Variants in MSH6 observed in about 807,000 individuals in gnomAD.
MSH6 encodes DNA mismatch repair protein Msh6.
In MSH6, 85 loss-of-function variants were observed where a neutral mutation model predicts 119.1. The ratio of observed to expected loss-of-function variants is 0.71; its 90% CI spans 0.60 to 0.85. The LOEUF is 0.85. Among genes scored for constraint, MSH6 ranks in the 40% least tolerant of loss-of-function variants. The pLI is 0.00. For synonymous variants in MSH6, 830 were observed against 586.9 expected, an observed-to-expected ratio of 1.41 and a Z score of -5.99; for missense variants, 2,163 against 1,655.3, an observed-to-expected ratio of 1.31 and a Z score of -5.32.
intron 4 of MSH6, among the ~76,000 whole-genome samples, chr2:47,801,931 A>T (rs530892319): frequency 6.6e-6 from 1 of 152,282 alleles, no homozygotes; most frequent in African/African-American, 2.4e-5. Flanking sequence ...GGCATGAGCC[A>T]CCGCTCCCGG....
At chr2:47,785,884 C>G (rs563212993) in intron 1 of MSH6, among the ~76,000 whole-genome samples, 1 of 152,268 alleles carries the variant, frequency 6.6e-6, no homozygotes, top group Non-Finnish European at 1.5e-5. Flanking sequence ...AAAAATAAAA[C>G]GTATACATTT....
At chr2:47,809,285 T>G (rs955345212), downstream of MSH6, 1 of 1,436,122 alleles carries the variant, frequency 7.0e-7, no homozygotes. Flanking sequence ...AAAGAAAGAA[T>G]AAGTAAAAAT....
intron 7 of MSH6, 29 bp downstream of exon 7, chr2:47,805,736 CTA>C (rs1669981366): frequency 4.6e-4 from 67 of 145,868 alleles, no homozygotes; most frequent in Non-Finnish European, 6.1e-4. Context: ...CATTTGAAGA[CTA>C]TCTATCTTAA....
In MSH6 at chr2:47,799,037, G is replaced by A. The variant is rs730881787; in HGVS notation, c.1054G>A (p.Val352Ile). The A allele has an allele frequency of 9.3e-5, 150 of 1,614,044 alleles. 1 individual carries two copies. The highest frequency in any genetic ancestry group is 2.9e-4 in the South Asian group (26 of 91,092). The stretch of plus-strand genomic sequence containing the variant: ...TCAAAATTCTGAATCCCAAGCCCAC[G>A]TTAGTGGAGGTGGTGATGACAGTAG... ...APQNSESQAHVSGGGDDSSRP... is the reference protein window; with the variant it reads ...APQNSESQAHISGGGDDSSRP... The change falls in exon 4 of 10, where the codon GTT becomes ATT. Residue 352 changes from valine to isoleucine, a missense_variant. Coordinates refer to ENST00000234420, the MANE Select transcript of MSH6 (RefSeq NM_000179.3).
At chr2:47,805,294 C>G (rs758534596) in intron 6 of MSH6, among the ~76,000 whole-genome samples, 2 of 152,052 alleles carry the variant, frequency 1.3e-5, no homozygotes, top group African/African-American at 4.8e-5. Flanking sequence ...ATTCTCCTGC[C>G]TCAGCCTCTC....
rs1042816 is a variant in MSH6 at position 47,800,683 on chromosome 2, T to C, written c.2700T>C (p.Gly900=). The change falls in exon 4 of 10, where the codon GGT becomes GGC. Residue 900 remains glycine, a synonymous_variant. Coordinates refer to ENST00000234420, the MANE Select transcript of MSH6 (RefSeq NM_000179.3). ...VISLQTKNPE[G]RFPDLTVELN... ...CTCTGCAGACAAAAAATCCTGAAGG[T>C]CGTTTTCCTGATTTGACTGTAGAAT... 1 of 1,614,130 alleles carries C rather than the reference T, an allele frequency of 6.2e-7. No individual in the cohort carries two copies.
In MSH6 at chr2:47,787,238, A is replaced by G. The variant is rs562168907; in HGVS notation, c.261-3689A>G. ...CAGGAGGTTGAGGCTGCAGTAAGCC[A>G]AGAGATCATGCCATGCACTCCAGCC... On this transcript the variant is annotated intron_variant, in intron 1 of 9. Transcript: ENST00000234420. Among the ~76,000 whole-genome samples the G allele has an allele frequency of 7.2e-5, 11 of 152,298 alleles. No individual in the cohort carries two copies. In the East Asian group the frequency reaches 2.1e-3, roughly 29 times the overall value.
At chr2:47,784,001 G>A in intron 1 of MSH6, 1 of 1,029,416 alleles carries the variant, frequency 9.7e-7, no homozygotes, top group Non-Finnish European at 1.2e-6. Flanking sequence ...GGCCGGCGCG[G>A]AGATAGTGAG....
intron 2 of MSH6, among the ~76,000 whole-genome samples, chr2:47,793,593 T>G (rs1312708142): frequency 6.6e-6 from 1 of 150,498 alleles, no homozygotes; most frequent in East Asian, 2.0e-4. Context: ...GGGAACGGAG[T>G]GAGACTTCAT....
intron 1 of MSH6, chr2:47,789,314 A>G (rs1295042854): frequency 2.6e-6 from 1 of 384,862 alleles, no homozygotes; most frequent in Non-Finnish European, 5.2e-6. Flanking sequence ...TGAAAAACAA[A>G]ATTTTTTGTT....
rs1553413481 is a variant in MSH6 at position 47,800,095 on chromosome 2, T to C, written c.2112T>C (p.Ala704=). Residue 704 remains alanine, a synonymous_variant, in exon 4 of 10, where the codon GCT becomes GCC. Transcript: ENST00000234420. The part of the protein sequence containing the change: ...CLIDQELLSM[A]NFEEYIPLDS... ...TTGATCAGGAGCTTTTATCAATGGC[T>C]AATTTTGAAGAATATATTCCCTTGG... 2 of 1,614,182 alleles carry C rather than the reference T, an allele frequency of 1.2e-6. No homozygotes were observed. The highest frequency in any genetic ancestry group is 4.5e-5 in the East Asian group (2 of 44,878).
intron 9 of MSH6, 33 bp downstream of exon 9, chr2:47,806,684 A>ACTGACC: frequency 6.3e-7 from 1 of 1,589,660 alleles, no homozygotes; most frequent in Non-Finnish European, 8.6e-7. Flanking sequence ...ATTATAACTA[A>ACTGACC]CTGACCTTAA....
rs63750664 is a variant in MSH6 at position 47,783,292 on chromosome 2, C to A, written c.59C>A (p.Ala20Asp). The A allele has an allele frequency of 6.2e-7, 1 of 1,612,156 alleles. No individual in the cohort carries two copies. Among genetic ancestry groups the A allele is most frequent in the East Asian group, 2.2e-5 (1 of 44,810 alleles). The change falls in exon 1 of 10, where the codon GCC becomes GAC. Residue 20 changes from alanine (A) to aspartate (D), a missense_variant. Physicochemically the swap from Ala to Asp is moderately radical, Grantham distance 126. Coordinates refer to ENST00000234420, the MANE Select transcript of MSH6 (RefSeq NM_000179.3). ...CCCAAGTCTCCGGCGCTGAGTGATGCCAACAAGGCCTCGGCCAGGGCCTCA... is the reference window on the plus strand; with the variant it reads ...CCCAAGTCTCCGGCGCTGAGTGATGACAACAAGGCCTCGGCCAGGGCCTCA... ...FFPKSPALSD[A>D]NKASARASRE... is the part of the protein sequence containing the mutation.
chr2:47,795,676 G>T (rs55781315), intron 2 of MSH6, among the ~76,000 whole-genome samples: 1 of 151,584 alleles, frequency 6.6e-6, no homozygotes. Flanking sequence ...TCACCACATT[G>T]CCCAGGCTGG....
At chr2:47,809,688 G>C (rs757286262), downstream of MSH6, 15 of 1,612,884 alleles carry the variant, frequency 9.3e-6, no homozygotes, top group Non-Finnish European at 1.3e-5. Flanking sequence ...TTGCAGTTGC[G>C]TGATTTGTAA....
chr2:47,799,846 G>C lies in MSH6; in HGVS notation c.1863G>C (p.Leu621=), dbSNP rs1350237862. The C allele has an allele frequency of 6.2e-7, 1 of 1,614,176 alleles. No homozygotes were observed. The highest frequency in any genetic ancestry group is 8.5e-7 in the Non-Finnish European group (1 of 1,180,028). Residue 621 remains leucine, a synonymous_variant, in exon 4 of 10, where the codon CTG becomes CTC. Transcript: ENST00000234420. ...TGTCCTGTTCTCTTCAGGAAGGTCT[G>C]ATACCCGGCTCCCAGTTTTGGGATG... ...SSLSCSLQEG[L]IPGSQFWDAS...
chr2:47,807,530 A>G (rs1275973885), downstream of MSH6: 2 of 211,658 alleles, frequency 9.4e-6, no homozygotes, highest in Non-Finnish European at 1.9e-5. Context: ...ATACTGGGAC[A>G]TGAGTACAGT....
chr2:47,791,992 G>A (rs1183487603), intron 2 of MSH6, among the ~76,000 whole-genome samples: 1 of 152,070 alleles, frequency 6.6e-6, no homozygotes, highest in Non-Finnish European at 1.5e-5. Flanking sequence ...GATTACAGGT[G>A]CACACCACCA....
In MSH6 at chr2:47,804,970, C is replaced by T. The variant is rs1553332217; in HGVS notation, c.3499C>T (p.Leu1167Phe). ...TTACGTCCCTGCTGAAGTGTGCAGGCTCACACCAATTGATAGAGTGTTTAC... is the reference window on the plus strand; with the variant it reads ...TTACGTCCCTGCTGAAGTGTGCAGGTTCACACCAATTGATAGAGTGTTTAC... Reference protein sequence around the residue: ...GCYVPAEVCRLTPIDRVFTRL... With the variant: ...GCYVPAEVCRFTPIDRVFTRL... Residue 1167 changes from leucine (L) to phenylalanine (F), a missense_variant, in exon 6 of 10, where the codon CTC (leucine) becomes TTC (phenylalanine). By Grantham distance (22) the Leu-to-Phe change is conservative. Transcript: ENST00000234420. 6.2e-7 allele frequency: 1 copy of T among 1,614,136 alleles called. No homozygotes were observed. Among genetic ancestry groups the T allele is most frequent in the Non-Finnish European group, 8.5e-7 (1 of 1,180,010 alleles).
Sources: gnomAD v4.1 joint callset for allele counts (sites outside exome capture counted in the v4.1 genomes callset) on GRCh38, gnomAD v4.1.1 for gene constraint, MANE v1.5 for transcripts, NCBI Gene and HGNC (gene_info 2026-07-23, HGNC 2026-07-21) for gene names.